SLC28A1: variants seen among roughly 807,000 people sequenced by gnomAD.
SLC28A1 encodes the protein solute carrier family 28 member 1, also known as sodium/nucleoside cotransporter 1.
In SLC28A1, 64 loss-of-function variants were observed where a neutral mutation model predicts 74.8. The ratio of observed to expected loss-of-function variants is 0.86; its 90% CI spans 0.70 to 1.05. The LOEUF (loss-of-function observed/expected upper bound fraction) is 1.05. SLC28A1 is among the 50% of genes least tolerant of loss of function. The pLI is 0.00. For synonymous variants in SLC28A1, 359 were observed against 335.0 expected (o/e 1.07, Z -0.78); for missense variants, 828 against 822.8 (o/e 1.01, Z -0.08).
chr15:84,943,146 A>T lies in SLC28A1; in HGVS notation c.1582-299A>T, dbSNP rs113169408. 7.9e-3 allele frequency among the ~76,000 whole-genome samples: 1,202 copies of T among 152,338 alleles called. 11 individuals carry two copies. Among genetic ancestry groups the T allele is most frequent in the Middle Eastern group, 0.031 (9 of 294 alleles). On this transcript the variant is annotated intron_variant, in intron 15 of 18. Coordinates refer to ENST00000394573, the MANE Select transcript of SLC28A1 (RefSeq NM_004213.5). ...GGTTGCAGTGGGCTGAGATTGTGCC[A>T]CTGCACTCCAGCCTGGGTGACAAGA...
chr15:84,936,777 G>T (rs1971990206), intron 15 of SLC28A1, among the ~76,000 whole-genome samples: 1 of 152,122 alleles, frequency 6.6e-6, no homozygotes, highest in African/African-American at 2.4e-5. Flanking sequence ...TTTAGGTCAG[G>T]TGCAATGGCT....
chr15:84,909,794 G>T (rs1314685021), intron 9 of SLC28A1, among the ~76,000 whole-genome samples: 1 of 152,220 alleles, frequency 6.6e-6, no homozygotes, highest in African/African-American at 2.4e-5. Context: ...AATCAGGGCT[G>T]CCCACTCTGG....
chr15:84,941,021 A>G (rs543923497), intron 15 of SLC28A1: 1 of 153,066 alleles, frequency 6.5e-6, no homozygotes, highest in Non-Finnish European at 1.5e-5. Flanking sequence ...AGCTCTGAGG[A>G]GTTGCCTGAA....
At chr15:84,930,463 T>A (rs979025749) in intron 12 of SLC28A1, among the ~76,000 whole-genome samples, 6 of 152,130 alleles carry the variant, frequency 3.9e-5, no homozygotes, top group Non-Finnish European at 8.8e-5. Context: ...GTTTTGTCGA[T>A]CTTTAAAAAG....
At chr15:84,933,466 A>T (rs1400116775) in intron 13 of SLC28A1, among the ~76,000 whole-genome samples, 191 bp downstream of exon 13, 2 of 152,110 alleles carry the variant, frequency 1.3e-5, no homozygotes, top group Admixed American at 1.3e-4. Flanking sequence ...GAAATCCTGA[A>T]ACTGGGTACT....
chr15:84,967,869 T>C, the SLC28A1 span, among the ~76,000 whole-genome samples: 450 of 152,206 alleles, frequency 3.0e-3, 3 homozygotes, highest in African/African-American at 9.8e-3. Flanking sequence ...GCTGCCAGGC[T>C]AGGGAATGAA....
chr15:84,928,435 A>G (rs569992161), intron 12 of SLC28A1, among the ~76,000 whole-genome samples: 2 of 151,516 alleles, frequency 1.3e-5, no homozygotes, highest in African/African-American at 2.4e-5. Flanking sequence ...TTCCTTCCCC[A>G]GTCAGTTCCT....
chr15:84,946,613 C>T (rs1287196391), downstream of SLC28A1, among the ~76,000 whole-genome samples: 3 of 152,150 alleles, frequency 2.0e-5, no homozygotes, highest in East Asian at 5.8e-4. Context: ...GGAGCCCCTC[C>T]TCATGCATCT....
At chr15:84,958,476 C>T in the SLC28A1 span, among the ~76,000 whole-genome samples, 2 of 152,100 alleles carry the variant, frequency 1.3e-5, no homozygotes, top group Non-Finnish European at 2.9e-5. Context: ...TGTCTTTATT[C>T]TACCATCACA....
At chr15:84,929,253 A>G (rs1410104056) in intron 12 of SLC28A1, among the ~76,000 whole-genome samples, 1 of 152,106 alleles carries the variant, frequency 6.6e-6, no homozygotes, top group East Asian at 1.9e-4. Context: ...CCTTTTTAAA[A>G]TGTGGCTATG....
intron 15 of SLC28A1, among the ~76,000 whole-genome samples, chr15:84,942,578 C>G (rs1215694103): frequency 6.6e-6 from 1 of 152,216 alleles, no homozygotes; most frequent in African/African-American, 2.4e-5. Flanking sequence ...CAGGCAACTA[C>G]TATTATTCCC....
In SLC28A1 at chr15:84,903,515, T is replaced by C. The variant is rs1020478013; in HGVS notation, c.462-582T>C. 1.3e-5 allele frequency among the ~76,000 whole-genome samples: 2 copies of C among 152,210 alleles called. 1 individual carries two copies. The highest frequency in any genetic ancestry group is 4.1e-4 in the South Asian group (2 of 4,828). ...TGAGTACCTGATGCCAAAACCTGAA[T>C]TCTCCCACCCTTCAGGGTGCATCCT... On this transcript the variant is annotated intron_variant, in intron 6 of 18. Coordinates refer to ENST00000394573, the MANE Select transcript of SLC28A1 (RefSeq NM_004213.5).
intron 15 of SLC28A1, among the ~76,000 whole-genome samples, chr15:84,936,795 G>C (rs1434245801): frequency 6.6e-6 from 1 of 152,114 alleles, no homozygotes; most frequent in Non-Finnish European, 1.5e-5. Flanking sequence ...GCTCATGCCT[G>C]TATTCCCAGC....
chr15:84,899,658 A>G (rs1176134306), intron 6 of SLC28A1, among the ~76,000 whole-genome samples: 1 of 152,240 alleles, frequency 6.6e-6, no homozygotes, highest in Non-Finnish European at 1.5e-5. Context: ...AATGTATTTC[A>G]AAAAAGAAGA....
intron 5 of SLC28A1, 105 bp downstream of exon 5, chr15:84,890,639 G>T: frequency 2.1e-6 from 2 of 943,054 alleles, no homozygotes; most frequent in South Asian, 2.8e-5. Flanking sequence ...ACAAATGGTT[G>T]TTGAGCACCA....
At chr15:84,918,688 A>G (rs983750665) in intron 10 of SLC28A1, 84 bp downstream of exon 10, 5 of 1,085,866 alleles carry the variant, frequency 4.6e-6, no homozygotes, top group Non-Finnish European at 4.3e-6. Context: ...CCTTGCTCCC[A>G]GAGCCCAAAC....
chr15:84,966,494 G>A, the SLC28A1 span, among the ~76,000 whole-genome samples: 3 of 152,204 alleles, frequency 2.0e-5, no homozygotes, highest in Non-Finnish European at 4.4e-5. Context: ...GTCTTGCTAT[G>A]TTGCCTAGGC....
Position 84,945,276 on chromosome 15 carries a change from T to C in SLC28A1, c.*76T>C. ...GAACCATCTGTCCCCACCTTCCCTT[T>C]CCCAGAGCCCTCTTCAGGGAAGCCA... is the stretch of plus-strand genomic sequence containing the variant. On this transcript the variant is annotated 3_prime_UTR_variant, in exon 19 of 19. Coordinates refer to ENST00000394573, the MANE Select transcript of SLC28A1 (RefSeq NM_004213.5). 1 of 1,391,090 alleles carries C rather than the reference T, an allele frequency of 7.2e-7. No homozygotes were observed. Among genetic ancestry groups the C allele is most frequent in the Non-Finnish European group, 1.0e-6 (1 of 980,848 alleles). 86.2% of individuals were successfully genotyped at this position (1,391,090 alleles called of 1,614,324 possible).
chr15:84,934,929 A>G (rs1239779783), intron 13 of SLC28A1, 97 bp from the exon 14 acceptor site: 10 of 1,037,478 alleles, frequency 9.6e-6, no homozygotes, highest in African/African-American at 3.1e-5. Context: ...CCCGCTCTGA[A>G]ATGCTCTTCC....
Sources: allele counts gnomAD v4.1 joint callset (sites outside exome capture counted in the v4.1 genomes callset), GRCh38; gene constraint gnomAD v4.1.1; transcripts MANE v1.5; gene names NCBI Gene and HGNC (gene_info 2026-07-23, HGNC 2026-07-21).